Variants in TSPAN17 observed in about 807,000 individuals in gnomAD.
TSPAN17 encodes tetraspanin-17.
Under a neutral mutation model 40.5 loss-of-function variants are expected in TSPAN17, and 33 were observed. The ratio of observed to expected loss-of-function variants is 0.81; its 90% CI spans 0.62 to 1.09. The LOEUF (loss-of-function observed/expected upper bound fraction) is 1.09, where lower values mean the gene tolerates loss of function less well. TSPAN17 is among the 50% of genes least tolerant of loss of function. The pLI, the probability that TSPAN17 is intolerant of heterozygous loss-of-function variation, is 0.00. For synonymous variants in TSPAN17, 166 were observed against 169.4 expected (o/e 0.98, Z 0.15); for missense variants, 365 against 416.8 (o/e 0.88, Z 1.08).
chr5:176,652,593 A>G (rs755501176), intron 3 of TSPAN17, 150 bp from the exon 4 acceptor site: 5 of 700,020 alleles, frequency 7.1e-6, no homozygotes, highest in Non-Finnish European at 1.2e-5. Context: ...ATCATATAAC[A>G]ATACTAAAAT....
Position 176,654,868 on chromosome 5 carries a change from A to C in TSPAN17, c.457-27A>C, listed in dbSNP as rs180908406. On this transcript the variant is annotated intron_variant, in intron 4 of 8. Coordinates refer to ENST00000508164, the MANE Select transcript of TSPAN17 (RefSeq NM_130465.5). This position sits in a 1 kb window ranked among gnomAD's most constrained non-coding sequence, Gnocchi z 4.3. ...GAGGCTCCTGGGATGGGCCTGGCTC[A>C]CCTGGGGCTCTCCCCTGCCCCCACA... The C allele has an allele frequency of 2.4e-4, 390 of 1,612,104 alleles. 2 individuals carry two copies. The highest frequency in any genetic ancestry group is 5.0e-4 in the Middle Eastern group (3 of 6,052).
Position 176,647,739 on chromosome 5 carries a change from G to A in TSPAN17, c.87+37G>A. Reference sequence around the variant, plus strand: ...GTCTGCGCCTTGCCCTGTGCTGGGGGGTGGTGGGAGAGGGAGATTCAGTCT... The same window carrying A: ...GTCTGCGCCTTGCCCTGTGCTGGGGAGTGGTGGGAGAGGGAGATTCAGTCT... On this transcript the variant is annotated intron_variant, in intron 1 of 8. Coordinates refer to ENST00000508164, the MANE Select transcript of TSPAN17 (RefSeq NM_130465.5). The A allele has an allele frequency of 2.0e-6, 3 of 1,536,970 alleles. No individual in the cohort carries two copies. In the South Asian group the frequency reaches 3.6e-5, roughly 18 times the overall value.
At position 176,657,578 on chromosome 5, in the gene TSPAN17, G is replaced by T. The variant is rs1761207057; in HGVS notation, c.870G>T (p.Leu290=). ...HWLTPTISEV[L]STAGPQQNSL... The stretch of plus-strand genomic sequence containing the variant: ...TTACGCCCACCATTTCCGAGGTCCT[G>T]TCCACGGCGGGGCCTCAGCAGAACT... The change falls in exon 9 of 9, where the codon CTG becomes CTT. Residue 290 remains leucine (L), a synonymous_variant. Transcript: ENST00000508164. 2 of 1,613,530 alleles carry T rather than the reference G, an allele frequency of 1.2e-6. No individual in the cohort carries two copies. The highest frequency in any genetic ancestry group is 1.3e-5 in the African/African-American group (1 of 74,944).
intron 1 of TSPAN17, 57 bp downstream of exon 1, chr5:176,647,759 C>A: frequency 6.8e-7 from 1 of 1,480,130 alleles, no homozygotes; most frequent in Admixed American, 2.1e-5. Flanking sequence ...GAGGGAGATT[C>A]AGTCTTTTGC....
chr5:176,649,716 C>T (rs1368277175), intron 1 of TSPAN17, among the ~76,000 whole-genome samples: 6 of 152,208 alleles, frequency 3.9e-5, no homozygotes, highest in Non-Finnish European at 8.8e-5. Flanking sequence ...CGTGAGCCAC[C>T]ACGCCCGGCC....
chr5:176,647,500 G>A lies in TSPAN17; in HGVS notation c.-116G>A, dbSNP rs1760778065. The A allele has an allele frequency of 1.5e-6, 1 of 664,758 alleles. No individual in the cohort carries two copies. Among genetic ancestry groups the A allele is most frequent in the Non-Finnish European group, 2.2e-6 (1 of 450,602 alleles). The allele number at this position is 664,758 out of a possible 1,614,324, so 41.2% of individuals were successfully genotyped here. On this transcript the variant is annotated 5_prime_UTR_variant, in exon 1 of 9. Transcript: ENST00000508164. The stretch of plus-strand genomic sequence containing the variant: ...CCGACCGGCGCTCTGTGTGGCCGAG[G>A]CCATGAAGCCGCAGCCGCCCGGCTA...
At position 176,654,353 on chromosome 5, in the gene TSPAN17, T is replaced by C; in HGVS notation, c.457-542T>C. ...TTCATGGCAGATCCCAAACTCGCCA[T>C]TGCTCCTGCCTAGGGGACAGCTTAG... On this transcript the variant is annotated intron_variant, in intron 4 of 8. Coordinates refer to ENST00000508164, the MANE Select transcript of TSPAN17 (RefSeq NM_130465.5). This position sits in a 1 kb window ranked among gnomAD's most constrained non-coding sequence, Gnocchi z 4.3. 1 of 157,462 alleles carries C rather than the reference T, an allele frequency of 6.4e-6. No individual in the cohort carries two copies. Among genetic ancestry groups the C allele is most frequent in the Non-Finnish European group, 1.4e-5 (1 of 70,048 alleles). 9.8% of individuals were successfully genotyped at this position (157,462 alleles called of 1,614,324 possible).
Position 176,647,576 on chromosome 5 carries a change from T to C in TSPAN17, c.-40T>C. On this transcript the variant is annotated 5_prime_UTR_variant, in exon 1 of 9. Transcript: ENST00000508164. The stretch of plus-strand genomic sequence containing the variant: ...CGGCCCGCGGGGCGCTGGGCCTGGC[T>C]CCCGGCTCCGGTTTCCGGGCCGGCG... The C allele has an allele frequency of 1.3e-6, 2 of 1,539,714 alleles. No homozygotes were observed. Among genetic ancestry groups the C allele is most frequent in the Non-Finnish European group, 1.7e-6 (2 of 1,144,514 alleles).
chr5:176,656,382 C>T (rs1257521646), intron 6 of TSPAN17, among the ~76,000 whole-genome samples: 2 of 152,200 alleles, frequency 1.3e-5, no homozygotes, highest in Non-Finnish European at 2.9e-5. Flanking sequence ...ATTTGGTGCT[C>T]ATGAGACAGT....
At position 176,657,538 on chromosome 5, in the gene TSPAN17, T is replaced by C; in HGVS notation, c.830T>C (p.Phe277Ser). The change falls in exon 9 of 9, where the codon TTT becomes TCT. Residue 277 changes from phenylalanine to serine, a missense_variant. Coordinates refer to ENST00000508164, the MANE Select transcript of TSPAN17 (RefSeq NM_130465.5). ...KANWSKWNDD[F>S]ENHWLTPTIS... is the part of the protein sequence containing the mutation. ...CTCAGGAGCAAATGGAATGATGACTTTGAAAACCACTGGCTTACGCCCACC... is the reference window on the plus strand; with the variant it reads ...CTCAGGAGCAAATGGAATGATGACTCTGAAAACCACTGGCTTACGCCCACC... 1 of 1,600,620 alleles carries C rather than the reference T, an allele frequency of 6.2e-7. No homozygotes were observed. Among genetic ancestry groups the C allele is most frequent in the Non-Finnish European group, 8.5e-7 (1 of 1,172,356 alleles).
intron 5 of TSPAN17, 28 bp from the exon 6 acceptor site, chr5:176,656,050 A>G (rs1761143750): frequency 1.2e-6 from 2 of 1,613,254 alleles, no homozygotes; most frequent in Non-Finnish European, 1.7e-6. Context: ...GTCCTCACCA[A>G]GTCACTAACT....
Position 176,651,583 on chromosome 5 carries a change from C to T in TSPAN17, c.88-33C>T, listed in dbSNP as rs766881253. 6.3e-7 allele frequency: 1 copy of T among 1,599,392 alleles called. No homozygotes were observed. The highest frequency in any genetic ancestry group is 1.1e-5 in the South Asian group (1 of 89,398). On this transcript the variant is annotated intron_variant, in intron 1 of 8. Transcript: ENST00000508164. This position sits in a 1 kb window ranked among gnomAD's most constrained non-coding sequence, Gnocchi z 4.5. ...AGGGGGGAGGGTCCTGGGGCTGCTC[C>T]CAGCCCTGAGCTCTTTGTTGCTGCC...
chr5:176,655,234 C>T (rs1294373863), intron 5 of TSPAN17, among the ~76,000 whole-genome samples: 1 of 152,188 alleles, frequency 6.6e-6, no homozygotes, highest in East Asian at 1.9e-4. Flanking sequence ...ATGGAAACAG[C>T]AGGACCCTGG....
chr5:176,656,832 C>T lies in TSPAN17; in HGVS notation c.747+16C>T, dbSNP rs1761173754. 6.8e-6 allele frequency: 11 copies of T among 1,614,148 alleles called. No homozygotes were observed. The highest frequency in any genetic ancestry group is 9.3e-6 in the Non-Finnish European group (11 of 1,179,976). ...CCTCCTCCAGGTACCCTTGTGGCCCCACGTGCCCCTCCCCTTGCCGGGGCC... is the reference window on the plus strand; with the variant it reads ...CCTCCTCCAGGTACCCTTGTGGCCCTACGTGCCCCTCCCCTTGCCGGGGCC... On this transcript the variant is annotated intron_variant, in intron 7 of 8. Coordinates refer to ENST00000508164, the MANE Select transcript of TSPAN17 (RefSeq NM_130465.5).
At chr5:176,655,059 A>C in intron 5 of TSPAN17, 39 bp downstream of exon 5, 1 of 1,572,032 alleles carries the variant, frequency 6.4e-7, no homozygotes. Flanking sequence ...GGGACTTTCC[A>C]GTGCACAGAC....
rs1760782025 is a variant in TSPAN17 at position 176,647,542 on chromosome 5, A to G, written c.-74A>G. On this transcript the variant is annotated 5_prime_UTR_variant, in exon 1 of 9. Transcript: ENST00000508164. The stretch of plus-strand genomic sequence containing the variant: ...GCCCGGCTAGGCCCCGGGCGGCTCT[A>G]GCCCAGGGCGGCCCGCGGGGCGCTG... 3.0e-6 allele frequency: 4 copies of G among 1,344,988 alleles called. No homozygotes were observed. In the South Asian group the frequency reaches 5.6e-5, roughly 19 times the overall value. 83.3% of individuals were successfully genotyped at this position (1,344,988 alleles called of 1,614,324 possible). A position where few individuals can be genotyped will look rare whatever the true frequency, so the allele number is the denominator to read the frequency against.
chr5:176,654,526 G>A lies in TSPAN17; in HGVS notation c.457-369G>A, dbSNP rs545957454. The stretch of plus-strand genomic sequence containing the variant: ...TTGTAGAACCTCTGGGGCAAGTGTG[G>A]GAGGCCTGCTGCAGACATGGGGCCC... On this transcript the variant is annotated intron_variant, in intron 4 of 8. Transcript: ENST00000508164. The surrounding 1 kb of genome is among the most constrained non-coding windows in gnomAD (Gnocchi z 4.3). The A allele has an allele frequency of 2.2e-4, 50 of 224,094 alleles. No homozygotes were observed. Among genetic ancestry groups the A allele is most frequent in the African/African-American group, 1.1e-3 (48 of 43,436 alleles). The allele number at this position is 224,094 out of a possible 1,614,324, so 13.9% of individuals were successfully genotyped here. A position where few individuals can be genotyped will look rare whatever the true frequency, so the allele number is the denominator to read the frequency against.
chr5:176,657,833 C>T lies in TSPAN17; in HGVS notation c.*135C>T. The T allele has an allele frequency of 4.8e-6, 7 of 1,455,242 alleles. No homozygotes were observed. The highest frequency in any genetic ancestry group is 6.4e-6 in the Non-Finnish European group (7 of 1,096,168). The allele number at this position is 1,455,242 out of a possible 1,614,324, so 90.1% of individuals were successfully genotyped here. A position where few individuals can be genotyped will look rare whatever the true frequency, so the allele number is the denominator to read the frequency against. Reference sequence around the variant, plus strand: ...GGCCCCAGCTGGCCCGTTCTACTCACCTAAGTGCCGCCTGACCCTTGTACA... The same window carrying T: ...GGCCCCAGCTGGCCCGTTCTACTCATCTAAGTGCCGCCTGACCCTTGTACA... On this transcript the variant is annotated 3_prime_UTR_variant, in exon 9 of 9. Transcript: ENST00000508164.
Position 176,654,784 on chromosome 5 carries a change from C to T in TSPAN17, c.457-111C>T. 1 of 1,413,882 alleles carries T rather than the reference C, an allele frequency of 7.1e-7. No homozygotes were observed. Among genetic ancestry groups the T allele is most frequent in the Non-Finnish European group, 9.6e-7 (1 of 1,046,976 alleles). The allele number at this position is 1,413,882 out of a possible 1,614,324, so 87.6% of individuals were successfully genotyped here. On this transcript the variant is annotated intron_variant, in intron 4 of 8. Coordinates refer to ENST00000508164, the MANE Select transcript of TSPAN17 (RefSeq NM_130465.5). The surrounding 1 kb of genome is among the most constrained non-coding windows in gnomAD (Gnocchi z 4.3). ...GGAGGTGGCCACCCACTTGGCTGTC[C>T]CAGCCCTGTCCCAGACAGCCCTGTA...
Sources: gnomAD v4.1 joint callset for allele counts (sites outside exome capture counted in the v4.1 genomes callset) on GRCh38, gnomAD v4.1.1 for gene constraint, Gnocchi (gnomAD v3.1) non-coding constraint, MANE v1.5 for transcripts, NCBI Gene and HGNC (gene_info 2026-07-23, HGNC 2026-07-21) for gene names.